Variants in TMEM135 observed in about 807,000 individuals in gnomAD.
The protein encoded by TMEM135 is transmembrane protein 135.
Under a neutral mutation model 60.3 loss-of-function variants are expected in TMEM135, and 30 were observed. The ratio of observed to expected loss-of-function variants is 0.50; its 90% CI spans 0.37 to 0.68. TMEM135 has a LOEUF of 0.68. Ranked by LOEUF, TMEM135 falls within the 30% of genes least tolerant of loss-of-function variation. TMEM135 has a pLI of 0.00. For missense variants in TMEM135, 468 were observed against 548.8 expected (o/e 0.85, Z 1.47); for synonymous variants, 190 against 186.7 (o/e 1.02, Z -0.14).
chr11:87,143,189 T>C (rs1413639534), intron 4 of TMEM135, among the ~76,000 whole-genome samples: 1 of 152,096 alleles, frequency 6.6e-6, no homozygotes, highest in Non-Finnish European at 1.5e-5. Context: ...CCTTTTTCTG[T>C]TGAAATTCCT....
At chr11:87,318,278 T>G (rs1340927004) in intron 13 of TMEM135, 43 bp downstream of exon 13, 3 of 1,345,938 alleles carry the variant, frequency 2.2e-6, no homozygotes, top group Non-Finnish European at 3.2e-6. Flanking sequence ...TGATTCCTGT[T>G]TCTAATGTAC....
intron 6 of TMEM135, among the ~76,000 whole-genome samples, chr11:87,238,944 G>A (rs994731790): frequency 6.6e-6 from 1 of 152,052 alleles, no homozygotes; most frequent in Non-Finnish European, 1.5e-5. Flanking sequence ...TGTGATTAAC[G>A]TGTAGCATTT....
intron 6 of TMEM135, chr11:87,259,197 T>A: frequency 1.9e-6 from 1 of 523,888 alleles, no homozygotes. Context: ...CTCCTTAGTC[T>A]TCTCCACGTC....
chr11:87,327,727 C>T lies in TMEM135; in HGVS notation c.*6394C>T. The T allele has an allele frequency of 4.4e-6, 2 of 454,032 alleles. No individual in the cohort carries two copies. Among genetic ancestry groups the T allele is most frequent in the South Asian group, 3.1e-5 (2 of 64,470 alleles). The allele number at this position is 454,032 out of a possible 1,614,324, so 28.1% of individuals were successfully genotyped here. Reference sequence around the variant, plus strand: ...CCAGGGAAACTGATGGTGTAATTCTCAGTCCAAGGCTGAATTTTCAAGTCT... The same window carrying T: ...CCAGGGAAACTGATGGTGTAATTCTTAGTCCAAGGCTGAATTTTCAAGTCT... On this transcript the variant is annotated 3_prime_UTR_variant, in exon 15 of 15. Transcript: ENST00000305494.
intron 6 of TMEM135, among the ~76,000 whole-genome samples, chr11:87,272,445 T>G (rs1464477676): frequency 6.6e-6 from 1 of 152,014 alleles, no homozygotes; most frequent in Non-Finnish European, 1.5e-5. Flanking sequence ...CTGTGATGAT[T>G]CTTAAAAAAG....
At chr11:87,195,316 TC>T (rs1362250921) in intron 5 of TMEM135, among the ~76,000 whole-genome samples, 21 of 5,850 alleles carry the variant, frequency 3.6e-3, no homozygotes, top group African/African-American at 9.7e-3. Context: ...TCTTTCTCTT[TC>T]CTTCCTTCCT....
intron 2 of TMEM135, among the ~76,000 whole-genome samples, chr11:87,068,773 T>G (rs1188872172): frequency 6.9e-6 from 1 of 145,000 alleles, no homozygotes; most frequent in Non-Finnish European, 1.5e-5. Context: ...ATCGCGCCAT[T>G]GCACTCCAGC....
At chr11:87,227,507 A>G (rs1392727409) in intron 5 of TMEM135, among the ~76,000 whole-genome samples, 1 of 152,072 alleles carries the variant, frequency 6.6e-6, no homozygotes, top group Non-Finnish European at 1.5e-5. Flanking sequence ...CAAGGAATAG[A>G]AACATAAAAA....
At chr11:87,089,432 A>G in intron 3 of TMEM135, among the ~76,000 whole-genome samples, 1 of 152,212 alleles carries the variant, frequency 6.6e-6, no homozygotes, top group African/African-American at 2.4e-5. Flanking sequence ...AGTTTCAGCT[A>G]TTTGGGAAAC....
At chr11:87,073,072 C>T (rs2512486) in intron 3 of TMEM135, among the ~76,000 whole-genome samples, 100,897 of 152,014 alleles carry the variant, frequency 0.66, 34,468 homozygotes, top group East Asian at 0.88. Flanking sequence ...AGTCTCACTC[C>T]GTCTCTAGGC....
At chr11:87,261,514 A>T (rs1941651303) in intron 6 of TMEM135, among the ~76,000 whole-genome samples, 1 of 152,224 alleles carries the variant, frequency 6.6e-6, no homozygotes, top group Admixed American at 6.5e-5. Flanking sequence ...TTAAAAATTC[A>T]AACAATGCAA....
At chr11:87,098,131 G>A (rs150336888) in intron 4 of TMEM135, among the ~76,000 whole-genome samples, 8 of 129,176 alleles carry the variant, frequency 6.2e-5, no homozygotes, top group Non-Finnish European at 8.0e-5. Flanking sequence ...CATCTATGCT[G>A]GAGGTTGCAA....
intron 5 of TMEM135, among the ~76,000 whole-genome samples, chr11:87,221,036 T>C (rs571618680): frequency 2.2e-4 from 34 of 152,308 alleles, no homozygotes; most frequent in African/African-American, 7.7e-4. Context: ...ACATTAAGAA[T>C]GCTGTTGTCA....
At position 87,322,383 on chromosome 11, in the gene TMEM135, C is replaced by G. The variant is rs1942837668; in HGVS notation, c.*1050C>G. ...TGTCACTAATTCCATTCAGGTTCTC[C>G]AACCTTCTTCTTGAATATCATTGTC... On this transcript the variant is annotated 3_prime_UTR_variant, in exon 15 of 15. Coordinates refer to ENST00000305494, the MANE Select transcript of TMEM135 (RefSeq NM_022918.4). 2.2e-6 allele frequency: 1 copy of G among 453,770 alleles called. No homozygotes were observed. The highest frequency in any genetic ancestry group is 2.0e-5 in the African/African-American group (1 of 49,922). The allele number at this position is 453,770 out of a possible 1,614,324, so 28.1% of individuals were successfully genotyped here. A position where few individuals can be genotyped will look rare whatever the true frequency, so the allele number is the denominator to read the frequency against.
chr11:87,076,504 C>A (rs1856876620), intron 3 of TMEM135, among the ~76,000 whole-genome samples: 1 of 152,226 alleles, frequency 6.6e-6, no homozygotes, highest in Non-Finnish European at 1.5e-5. Flanking sequence ...CTTGGGGACT[C>A]CAGGAGCCTG....
intron 4 of TMEM135, among the ~76,000 whole-genome samples, chr11:87,122,915 C>T (rs944005203): frequency 2.6e-5 from 4 of 152,158 alleles, no homozygotes; most frequent in African/African-American, 9.7e-5. Context: ...AGTTGAGTAA[C>T]TTTTTCTATT....
intron 5 of TMEM135, among the ~76,000 whole-genome samples, chr11:87,179,283 T>A (rs1445524282): frequency 6.6e-6 from 1 of 152,230 alleles, no homozygotes; most frequent in African/African-American, 2.4e-5. Context: ...AAATCTTTTA[T>A]TAAATATAGG....
At chr11:87,112,248 G>A (rs2135200450) in intron 4 of TMEM135, among the ~76,000 whole-genome samples, 1 of 152,204 alleles carries the variant, frequency 6.6e-6, no homozygotes, top group Non-Finnish European at 1.5e-5. Flanking sequence ...TGGTCTAGAA[G>A]GTAAGCATTA....
At chr11:87,113,945 T>G (rs1369825236) in intron 4 of TMEM135, among the ~76,000 whole-genome samples, 1 of 152,096 alleles carries the variant, frequency 6.6e-6, no homozygotes, top group Non-Finnish European at 1.5e-5. Flanking sequence ...AATCAGTGTT[T>G]GCTTTTATTA....
Sources: allele counts gnomAD v4.1 joint callset (sites outside exome capture counted in the v4.1 genomes callset), GRCh38; gene constraint gnomAD v4.1.1; transcripts MANE v1.5; gene names NCBI Gene and HGNC (gene_info 2026-07-23, HGNC 2026-07-21).